The following GAB1 variants were observed in gnomAD, a reference collection of about 807,000 sequenced individuals.
GAB1 encodes the protein GRB2 associated binding protein 1.
In GAB1, 19 loss-of-function variants were observed where a neutral mutation model predicts 66.5. That is an observed-to-expected ratio of 0.29 (90% CI 0.20 to 0.42). GAB1 has a LOEUF of 0.42. Ranked by LOEUF, GAB1 falls within the 10% of genes least tolerant of loss-of-function variation. The pLI, the probability that GAB1 is intolerant of heterozygous loss-of-function variation, is 1.00. For missense variants in GAB1, 732 were observed against 858.5 expected (o/e 0.85, Z 1.84); for synonymous variants, 294 against 301.4 (o/e 0.98, Z 0.25).
chr4:143,409,030 A>G (rs1044081600), intron 1 of GAB1, among the ~76,000 whole-genome samples: 3 of 152,200 alleles, frequency 2.0e-5, no homozygotes, highest in Non-Finnish European at 4.4e-5. Context: ...AGAGACCCCA[A>G]GATGCAGTCA....
intron 1 of GAB1, among the ~76,000 whole-genome samples, chr4:143,404,058 T>C (rs1374626276): frequency 6.6e-6 from 1 of 152,248 alleles, no homozygotes; most frequent in East Asian, 1.9e-4. Flanking sequence ...AATCTTAATA[T>C]AGCAGTGTTT....
At position 143,438,453 on chromosome 4, in the gene GAB1, C is replaced by G. The variant is rs914992482; in HGVS notation, c.1048C>G (p.Pro350Ala). The change falls in exon 4 of 10, where the codon CCA (proline) becomes GCA (alanine). Residue 350 changes from proline (P) to alanine (A), a missense_variant. Pro to Ala is a conservative substitution (Grantham distance 27). Transcript: ENST00000262994. ...TCCACCTCGGCCACCGAAACCACAT[C>G]CAGCTCATGACCGATCTCCTGTGGA... ...IPPPRPPKPH[P>A]AHDRSPVETC... is the part of the protein sequence containing the mutation. 6.8e-5 allele frequency: 110 copies of G among 1,613,976 alleles called. No individual in the cohort carries two copies. Among genetic ancestry groups the G allele is most frequent in the Non-Finnish European group, 8.6e-5 (101 of 1,180,018 alleles).
At chr4:143,398,224 C>T (rs924111749) in intron 1 of GAB1, among the ~76,000 whole-genome samples, 2 of 152,178 alleles carry the variant, frequency 1.3e-5, no homozygotes, top group Non-Finnish European at 2.9e-5. Flanking sequence ...TTAGAACCTG[C>T]CAAAATTACC....
At chr4:143,400,784 A>T (rs1484623938) in intron 1 of GAB1, among the ~76,000 whole-genome samples, 1 of 152,150 alleles carries the variant, frequency 6.6e-6, no homozygotes, top group Non-Finnish European at 1.5e-5. Context: ...CCTGGCCAAC[A>T]TAACGAAACC....
intron 6 of GAB1, among the ~76,000 whole-genome samples, chr4:143,450,389 T>G (rs551814580): frequency 1.3e-5 from 2 of 152,308 alleles, no homozygotes; most frequent in African/African-American, 2.4e-5. Context: ...TAAAAAAAAT[T>G]TAGGCTTTGT....
At chr4:143,439,931 C>G in intron 5 of GAB1, 44 bp downstream of exon 5, 1 of 1,499,858 alleles carries the variant, frequency 6.7e-7, no homozygotes. Context: ...ATTTCATTGT[C>G]TAAATCTTCA....
Position 143,444,987 on chromosome 4 carries a change from C to T in GAB1, c.1585+4605C>T, listed in dbSNP as rs369549715. On this transcript the variant is annotated intron_variant, in intron 6 of 9. Transcript: ENST00000262994. ...TGTACCACATTTTCTTGATCCAGTC[C>T]ACTGTTGATGGGCACCTAGGTTGAT... 3.9e-5 allele frequency among the ~76,000 whole-genome samples: 6 copies of T among 152,080 alleles called. No individual in the cohort carries two copies. The East Asian group carries it at 5.8e-4, about 15-fold the overall frequency.
chr4:143,377,560 C>A (rs1055316998), intron 1 of GAB1, among the ~76,000 whole-genome samples: 1 of 152,108 alleles, frequency 6.6e-6, no homozygotes, highest in African/African-American at 2.4e-5. Context: ...GCAAGAAGTT[C>A]TTTTTGAACT....
chr4:143,453,600 G>C (rs907290072), intron 6 of GAB1, among the ~76,000 whole-genome samples: 2 of 152,224 alleles, frequency 1.3e-5, no homozygotes, highest in Middle Eastern at 3.4e-3. Flanking sequence ...GAAATGTAAC[G>C]ATTTTACATC....
chr4:143,414,014 G>T (rs1033816315), intron 1 of GAB1, among the ~76,000 whole-genome samples: 6 of 151,494 alleles, frequency 4.0e-5, no homozygotes, highest in African/African-American at 1.5e-4. Context: ...GTAGAGACGG[G>T]GTTTCACCAT....
intron 1 of GAB1, among the ~76,000 whole-genome samples, chr4:143,358,378 C>T (rs147769608): frequency 4.6e-5 from 7 of 152,154 alleles, no homozygotes; most frequent in African/African-American, 1.7e-4. Context: ...TGATGAATAC[C>T]TTTGAATGTT....
chr4:143,383,656 CT>C (rs70953731), intron 1 of GAB1, among the ~76,000 whole-genome samples: 1 of 152,036 alleles, frequency 6.6e-6, no homozygotes, highest in African/African-American at 2.4e-5. Flanking sequence ...TTGAAACTGG[CT>C]TTTTTAACAT....
Position 143,440,256 on chromosome 4 carries a change from A to G in GAB1, c.1459A>G (p.Met487Val). 7 of 1,614,148 alleles carry G rather than the reference A, an allele frequency of 4.3e-6. No homozygotes were observed. The highest frequency in any genetic ancestry group is 5.9e-6 in the Non-Finnish European group (7 of 1,180,012). The change falls in exon 6 of 10, where the codon ATG becomes GTG. Residue 487 changes from methionine to valine, a missense_variant. Met to Val is a conservative substitution (Grantham distance 21). This residue lies in a region of GAB1 where 204 missense variants were observed against 276.8 expected (regional missense o/e 0.74). Transcript: ENST00000262994. ...AACATTTGATTTTTCCTCATTTGGAATGCAAGTTCCTCCTCCTGCTCATAT... is the reference window on the plus strand; with the variant it reads ...AACATTTGATTTTTCCTCATTTGGAGTGCAAGTTCCTCCTCCTGCTCATAT... ...PGTFDFSSFG[M>V]QVPPPAHMGF...
chr4:143,445,937 T>G (rs1734493380), intron 6 of GAB1, among the ~76,000 whole-genome samples: 1 of 152,144 alleles, frequency 6.6e-6, no homozygotes, highest in East Asian at 1.9e-4. Context: ...ATGCTATCCT[T>G]CTACCTTCCC....
At chr4:143,421,696 TTC>T (rs1413230444) in intron 2 of GAB1, among the ~76,000 whole-genome samples, 2 of 108,402 alleles carry the variant, frequency 1.8e-5, no homozygotes, top group African/African-American at 9.1e-5. Flanking sequence ...TTCTTTTCTT[TTC>T]TTTTTTTTTT....
intron 1 of GAB1, among the ~76,000 whole-genome samples, chr4:143,405,284 A>C (rs1731986261): frequency 6.6e-6 from 1 of 152,220 alleles, no homozygotes; most frequent in Non-Finnish European, 1.5e-5. Flanking sequence ...ATGCTAACAT[A>C]ATATTCAATG....
chr4:143,415,880 T>C, intron 2 of GAB1, 109 bp downstream of exon 2: 1 of 859,488 alleles, frequency 1.2e-6, no homozygotes, highest in Admixed American at 3.3e-5. Context: ...TGTTTTATTT[T>C]TATAATAGGA....
chr4:143,355,955 T>C (rs554942250), intron 1 of GAB1, among the ~76,000 whole-genome samples: 1 of 152,290 alleles, frequency 6.6e-6, no homozygotes, highest in African/African-American at 2.4e-5. Context: ...GAGATTTTTT[T>C]TGGGAACCAG....
intron 1 of GAB1, among the ~76,000 whole-genome samples, chr4:143,408,674 A>C (rs900664586): frequency 1.3e-5 from 2 of 152,168 alleles, no homozygotes; most frequent in Non-Finnish European, 1.5e-5. Flanking sequence ...TAAAATTTAG[A>C]TTACAACCTA....
Sources: allele counts gnomAD v4.1 joint callset (sites outside exome capture counted in the v4.1 genomes callset), GRCh38; gene constraint gnomAD v4.1.1; regional missense constraint gnomAD v4.1.1; transcripts MANE v1.5; gene names NCBI Gene and HGNC (gene_info 2026-07-23, HGNC 2026-07-21).